The following ARHGEF1 variants were observed in gnomAD, a reference collection of about 807,000 sequenced individuals.
ARHGEF1 encodes Rho guanine nucleotide exchange factor 1, also known as 115 kDa guanine nucleotide exchange factor.
In ARHGEF1, 40 loss-of-function variants were observed where a neutral mutation model predicts 119.7. That is an observed-to-expected ratio of 0.33 (90% CI 0.26 to 0.44). The LOEUF is 0.44. Ranked by LOEUF, ARHGEF1 falls within the 20% of genes least tolerant of loss-of-function variation. The pLI is 1.00. For synonymous variants in ARHGEF1, 494 were observed against 521.0 expected, an observed-to-expected ratio of 0.95 and a Z score of 0.71; for missense variants, 976 against 1,268.3, an observed-to-expected ratio of 0.77 and a Z score of 3.50.
At chr19:41,915,371 T>C (rs1281708038) in intron 18 of ARHGEF1, among the ~76,000 whole-genome samples, 1 of 151,106 alleles carries the variant, frequency 6.6e-6, no homozygotes, top group Non-Finnish European at 1.5e-5. Context: ...CCCCTCGCCC[T>C]TGCCCATCGC....
Position 41,906,911 on chromosome 19 carries a change from A to C in ARHGEF1, c.*17+108A>C. The C allele has an allele frequency of 2.0e-6, 2 of 1,002,346 alleles. No individual in the cohort carries two copies. Among genetic ancestry groups the C allele is most frequent in the Non-Finnish European group, 2.9e-6 (2 of 696,420 alleles). The allele number at this position is 1,002,346 out of a possible 1,614,324, so 62.1% of individuals were successfully genotyped here. On this transcript the variant is annotated intron_variant, in intron 28 of 28. Transcript: ENST00000354532. This position sits in a 1 kb window ranked among gnomAD's most constrained non-coding sequence, Gnocchi z 4.5. ...TCCATCTCCCTCTTTGTCTTTTCTG[A>C]ATCTCCCCACTCCACCTCGTGTTTC...
At chr19:41,909,110 G>A, downstream of ARHGEF1, 2 of 1,231,928 alleles carry the variant, frequency 1.6e-6, no homozygotes, top group Non-Finnish European at 2.0e-6. The surrounding 1 kb of genome is among the most constrained non-coding windows in gnomAD (Gnocchi z 5.2). Context: ...ATCTGTCTCG[G>A]AGGTGAACAG....
At chr19:41,909,425 A>C, downstream of ARHGEF1, 1 of 1,236,980 alleles carries the variant, frequency 8.1e-7, no homozygotes, top group Non-Finnish European at 1.0e-6. The surrounding 1 kb of genome is among the most constrained non-coding windows in gnomAD (Gnocchi z 5.2). Flanking sequence ...TTGTAGGTGA[A>C]CCTCTTCCCT....
rs201989159 is a variant in ARHGEF1, at chr19:41,906,561, C to T, written c.2596C>T (p.Arg866Trp). ...VPGGGPLSPARTQEIQENLLS... is the reference protein window; with the variant it reads ...VPGGGPLSPAWTQEIQENLLS... ...AGGGGGCGGCCCCCTGAGCCCAGCA[C>T]GGACCCAGGAAATCCAGGAGAACCT... The change falls in exon 27 of 29, where the codon CGG becomes TGG. Residue 866 changes from arginine (R) to tryptophan (W), a missense_variant. Transcript: ENST00000354532. This position sits in a 1 kb window ranked among gnomAD's most constrained non-coding sequence, Gnocchi z 4.5. 1.2e-4 allele frequency: 198 copies of T among 1,600,078 alleles called. No homozygotes were observed. The highest frequency in any genetic ancestry group is 1.6e-4 in the Non-Finnish European group (189 of 1,176,200).
chr19:41,894,474 C>G lies in ARHGEF1; in HGVS notation c.768C>G (p.Asp256Glu), dbSNP rs202000253. ...RKKVMGNRRSDEPAKTKKGLS... is the reference protein window; with the variant it reads ...RKKVMGNRRSEEPAKTKKGLS... ...AGGTGATGGGGAACCGGCGGTCGGA[C>G]GAGCCTGCCAAGACCAAGAAGGGGC... Residue 256 changes from aspartate (D) to glutamate (E), a missense_variant, in exon 10 of 29, where the codon GAC becomes GAG. By Grantham distance (45) the Asp-to-Glu change is conservative (BLOSUM62 2). Around this residue, in one of 3 missense-constraint regions of ARHGEF1, gnomAD observed 519 missense variants for 580.9 expected, o/e 0.89. Transcript: ENST00000354532. 2.5e-6 allele frequency: 4 copies of G among 1,569,984 alleles called. No individual in the cohort carries two copies. Among genetic ancestry groups the G allele is most frequent in the Admixed American group, 1.8e-5 (1 of 56,068 alleles).
chr19:41,907,525 A>G (rs2074721786), downstream of ARHGEF1: 5 of 945,232 alleles, frequency 5.3e-6, no homozygotes, highest in Admixed American at 1.5e-4. Context: ...TGGCGTTGAC[A>G]TCCTGGGTCT....
At position 41,914,839 on chromosome 19, in the gene ARHGEF1, G is replaced by A. The variant is rs146599927; in HGVS notation, c.1865+8036G>A. Among the ~76,000 whole-genome samples the A allele has an allele frequency of 2.8e-3, 27 of 9,784 alleles. 5 individuals carry two copies. The highest frequency in any genetic ancestry group is 4.8e-3 in the South Asian group (1 of 210). 6.4% of individuals were successfully genotyped at this position (9,784 alleles called of 152,430 possible). ...CACCGTGTCTCCCCCCCTTTCCACC[G>A]TCTCTGTCTCTCCCCCCCTCCACCA... On this transcript the variant is annotated intron_variant, in intron 18 of 20. Coordinates refer to the ARHGEF1 transcript ENST00000599589.
Position 41,883,795 on chromosome 19 carries a change from G to C in ARHGEF1, c.-20+506G>C, listed in dbSNP as rs782763375. Among the ~76,000 whole-genome samples the C allele has an allele frequency of 9.2e-5, 14 of 152,240 alleles. No homozygotes were observed. The highest frequency in any genetic ancestry group is 3.9e-4 in the Admixed American group (6 of 15,282). On this transcript the variant is annotated intron_variant, in intron 1 of 28. Transcript: ENST00000354532. The surrounding 1 kb of genome is among the most constrained non-coding windows in gnomAD (Gnocchi z 7.6). ...AAAGTTGCAGAGTGCATTTGAAAGA[G>C]TTTTCGGAAAGCTCTTTTCTAGGTC...
chr19:41,912,159 G>A (rs1326797401), downstream of ARHGEF1, among the ~76,000 whole-genome samples: 2 of 152,218 alleles, frequency 1.3e-5, no homozygotes, highest in Non-Finnish European at 2.9e-5. Context: ...AGCCTCAGAT[G>A]TGCACGTACA....
At chr19:41,897,549 T>C (rs2074529736) in intron 13 of ARHGEF1, 1 of 259,592 alleles carries the variant, frequency 3.9e-6, no homozygotes, top group Non-Finnish European at 7.5e-6. Context: ...GTCAGTCCTA[T>C]GCTCCATCCT....
At chr19:41,912,520 T>A (rs1456647542) in intron 18 of ARHGEF1, among the ~76,000 whole-genome samples, 1 of 152,136 alleles carries the variant, frequency 6.6e-6, no homozygotes, top group Non-Finnish European at 1.5e-5. Context: ...CCCTGCTCTC[T>A]TTTCCCCGCA....
Position 41,903,110 on chromosome 19 carries a change from CGG to C in ARHGEF1, c.1739-194_1739-193del, listed in dbSNP as rs552103099. On this transcript the variant is annotated intron_variant, in intron 18 of 28. Transcript: ENST00000354532. The surrounding 1 kb of genome is among the most constrained non-coding windows in gnomAD (Gnocchi z 4.2). ...TTTTTTTAGTTTTTTTTTTTAGAGACGGGGTCTCGCCATGTTGCCCAGGCTGG... is the reference window on the plus strand; with the variant it reads ...TTTTTTTAGTTTTTTTTTTTAGAGACGGTCTCGCCATGTTGCCCAGGCTGG... Among the ~76,000 whole-genome samples the C allele has an allele frequency of 9.2e-5, 14 of 151,676 alleles. 1 individual carries two copies. In the East Asian group the frequency reaches 2.5e-3, roughly 27 times the overall value.
In ARHGEF1 at chr19:41,888,842, C is replaced by G. The variant is rs782596251; in HGVS notation, c.202C>G (p.Leu68Val). 1.2e-6 allele frequency: 2 copies of G among 1,614,118 alleles called. No homozygotes were observed. Among genetic ancestry groups the G allele is most frequent in the East Asian group, 2.2e-5 (1 of 44,880 alleles). Residue 68 changes from leucine (L) to valine (V), a missense_variant, in exon 4 of 29, where the codon CTG becomes GTG. By Grantham distance (32) the Leu-to-Val change is conservative. Around this residue, in one of 3 missense-constraint regions of ARHGEF1, gnomAD observed 519 missense variants for 580.9 expected, o/e 0.89. Coordinates refer to ENST00000354532, the MANE Select transcript of ARHGEF1 (RefSeq NM_004706.4). The surrounding 1 kb of genome is among the most constrained non-coding windows in gnomAD (Gnocchi z 5.1). ...CATGGCCCTCCTGCAGCACGTGGCCCTGCAGTTTGAGCCAGGACCCCTGGT... is the reference window on the plus strand; with the variant it reads ...CATGGCCCTCCTGCAGCACGTGGCCGTGCAGTTTGAGCCAGGACCCCTGGT... ...HLMALLQHVA[L>V]QFEPGPLLCC...
chr19:41,905,396 T>A lies in ARHGEF1; in HGVS notation c.2336+135T>A. 1.3e-6 allele frequency: 1 copy of A among 765,048 alleles called. No individual in the cohort carries two copies. The highest frequency in any genetic ancestry group is 2.1e-6 in the Non-Finnish European group (1 of 477,100). The allele number at this position is 765,048 out of a possible 1,614,324, so 47.4% of individuals were successfully genotyped here. ...GAATGCATGTGTGTGCATACATGTGTGTCTGTACGCAAGTATGTGACTGTG... is the reference window on the plus strand; with the variant it reads ...GAATGCATGTGTGTGCATACATGTGAGTCTGTACGCAAGTATGTGACTGTG... On this transcript the variant is annotated intron_variant, in intron 24 of 28. Coordinates refer to ENST00000354532, the MANE Select transcript of ARHGEF1 (RefSeq NM_004706.4). The surrounding 1 kb of genome is among the most constrained non-coding windows in gnomAD (Gnocchi z 6.4).
At chr19:41,908,440 G>C (rs2074731548), downstream of ARHGEF1, 1 of 1,231,160 alleles carries the variant, frequency 8.1e-7, no homozygotes, top group African/African-American at 1.6e-5. The surrounding 1 kb of genome is among the most constrained non-coding windows in gnomAD (Gnocchi z 6.7). Context: ...TCGGGGCCCA[G>C]GCCCTCCCCT....
At position 41,907,145 on chromosome 19, in the gene ARHGEF1, G is replaced by T; in HGVS notation, c.*58G>T. The T allele has an allele frequency of 6.5e-7, 1 of 1,531,518 alleles. No homozygotes were observed. Among genetic ancestry groups the T allele is most frequent in the Non-Finnish European group, 8.7e-7 (1 of 1,144,822 alleles). The allele number at this position is 1,531,518 out of a possible 1,614,324, so 94.9% of individuals were successfully genotyped here. A position where few individuals can be genotyped will look rare whatever the true frequency, so the allele number is the denominator to read the frequency against. On this transcript the variant is annotated 3_prime_UTR_variant, in exon 29 of 29. Transcript: ENST00000354532. ...GAGAGGAATGGGGGAGAGGACGTGA[G>T]GGACCACCCCCACCCACACAGCTGC... is the stretch of plus-strand genomic sequence containing the variant.
intron 8 of ARHGEF1, 64 bp from the exon 9 acceptor site, chr19:41,894,143 T>TGA: frequency 2.3e-6 from 2 of 881,018 alleles, no homozygotes; most frequent in South Asian, 4.1e-5. Context: ...TGAGTGTGTG[T>TGA]GTGTGTGTGT....
Position 41,886,185 on chromosome 19 carries a change from G to A in ARHGEF1, c.-19-1879G>A, listed in dbSNP as rs369959614. Among the ~76,000 whole-genome samples, 27 of 152,212 alleles carry A rather than the reference G, an allele frequency of 1.8e-4. No individual in the cohort carries two copies. The South Asian group carries it at 2.5e-3, about 14-fold the overall frequency. On this transcript the variant is annotated intron_variant, in intron 1 of 28. Transcript: ENST00000354532. The stretch of plus-strand genomic sequence containing the variant: ...ATAATAATGATCTCTTGGAGTCACC[G>A]AGAGGATTAAATGAGTTATTACCTG...
chr19:41,891,937 C>A, intron 4 of ARHGEF1, 88 bp from the exon 5 acceptor site: 1 of 1,145,058 alleles, frequency 8.7e-7, no homozygotes, highest in Non-Finnish European at 1.2e-6. Context: ...ATAGGATGGC[C>A]AGGAGGTGAG....
Sources: allele counts gnomAD v4.1 joint callset (sites outside exome capture counted in the v4.1 genomes callset), GRCh38; gene constraint gnomAD v4.1.1; regional missense constraint gnomAD v4.1.1; non-coding constraint Gnocchi (gnomAD v3.1); transcripts MANE v1.5; gene names NCBI Gene and HGNC (gene_info 2026-07-23, HGNC 2026-07-21).